ACP7: variants seen among roughly 807,000 people sequenced by gnomAD.
ACP7 encodes acid phosphatase 7, tartrate resistant (putative), also known as acid phosphatase type 7.
ACP7 carries 58 observed loss-of-function variants against 60.6 expected under a neutral mutation model. The ratio of observed to expected loss-of-function variants is 0.96; its 90% CI spans 0.77 to 1.19. The LOEUF is 1.19. Among genes scored for constraint, ACP7 ranks in the 50% most tolerant of loss-of-function variants. ACP7 has a pLI of 0.00. For synonymous variants in ACP7, 237 were observed against 232.6 expected, an observed-to-expected ratio of 1.02 and a Z score of -0.17; for missense variants, 574 against 596.2, an observed-to-expected ratio of 0.96 and a Z score of 0.39.
chr19:39,098,977 G>A lies in ACP7; in HGVS notation c.340G>A (p.Ala114Thr). The A allele has an allele frequency of 1.9e-6, 3 of 1,613,164 alleles. No homozygotes were observed. Among genetic ancestry groups the A allele is most frequent in the East Asian group, 2.2e-5 (1 of 44,834 alleles). ...CCATTCAGTTTATCGCTGTGGCAGT[G>A]CGCAGGGCTGGAGCCGTCGGTTCCG... ...GVQYVYRCGS[A>T]QGWSRRFRFR... The change falls in exon 4 of 13, where the codon GCG (alanine) becomes ACG (threonine). Residue 114 changes from alanine to threonine, a missense_variant. Transcript: ENST00000331256.
In ACP7 at chr19:39,101,226, C is replaced by A; in HGVS notation, c.973+19C>A. The A allele has an allele frequency of 1.9e-6, 3 of 1,614,182 alleles. 1 individual carries two copies. Among genetic ancestry groups the A allele is most frequent in the South Asian group, 2.2e-5 (2 of 91,080 alleles). On this transcript the variant is annotated intron_variant, in intron 9 of 12. Coordinates refer to ENST00000331256, the MANE Select transcript of ACP7 (RefSeq NM_001004318.3). ...AAATATGGTGAGCGACCCTCAGGACCCATGCCCCACACCCCACCTCTCCCC... is the reference window on the plus strand; with the variant it reads ...AAATATGGTGAGCGACCCTCAGGACACATGCCCCACACCCCACCTCTCCCC...
Position 39,101,074 on chromosome 19 carries a change from G to A in ACP7, c.915+18G>A. On this transcript the variant is annotated intron_variant, in intron 8 of 12. Coordinates refer to ENST00000331256, the MANE Select transcript of ACP7 (RefSeq NM_001004318.3). ...AAAGCAAGGTGAGGTCCCTCCCTGG[G>A]AGACAGTGGGGACATGCTGAAAGCC... 1 of 1,613,952 alleles carries A rather than the reference G, an allele frequency of 6.2e-7. No homozygotes were observed.
chr19:39,102,756 T>TTTCTTTCTTTCTTTCTTTCG (rs2073366330), intron 11 of ACP7, among the ~76,000 whole-genome samples: 1 of 83,600 alleles, frequency 1.2e-5, no homozygotes, highest in Non-Finnish European at 2.6e-5. Context: ...TCTTTCTTTC[T>TTTCTTTCTTTCTTTCTTTCG]TTCTTTCTTT....
At chr19:39,095,142 A>G (rs1279954827) in intron 2 of ACP7, among the ~76,000 whole-genome samples, 1 of 152,106 alleles carries the variant, frequency 6.6e-6, no homozygotes, top group Non-Finnish European at 1.5e-5. Context: ...CACATTTCAA[A>G]ACCAATCATG....
rs531755293 is a variant in ACP7, at chr19:39,110,334, C to T, written c.*216C>T. On this transcript the variant is annotated 3_prime_UTR_variant, in exon 13 of 13. Transcript: ENST00000331256. ...TGGCTGTGGAGGGAGGGCAGGTGTG[C>T]GGGCACAGAGTGACACACGGCAGGT... 213 of 576,910 alleles carry T rather than the reference C, an allele frequency of 3.7e-4. 1 individual carries two copies. Among genetic ancestry groups the T allele is most frequent in the African/African-American group, 3.4e-3 (180 of 53,330 alleles). The allele number at this position is 576,910 out of a possible 1,614,324, so 35.7% of individuals were successfully genotyped here.
rs1248758097 is a variant in ACP7 at position 39,098,489 on chromosome 19, C to T, written c.153C>T (p.Thr51=). ...CAGGCTCCATGACTGTAACTTGGAC[C>T]ACATGGGTCCCAACCCGCTCTGAAG... ...GEPGSMTVTW[T]TWVPTRSEVQ... The change falls in exon 3 of 13, where the codon ACC becomes ACT. Residue 51 remains threonine (T), a synonymous_variant. Coordinates refer to ENST00000331256, the MANE Select transcript of ACP7 (RefSeq NM_001004318.3). 1.3e-6 allele frequency: 2 copies of T among 1,592,824 alleles called. No homozygotes were observed. Among genetic ancestry groups the T allele is most frequent in the African/African-American group, 2.7e-5 (2 of 74,348 alleles).
At chr19:39,093,175 C>CTTCCTTCCTTCCTTCCTTCCTTCCTTCCT (rs2073227414) in intron 2 of ACP7, among the ~76,000 whole-genome samples, 1 of 42,260 alleles carries the variant, frequency 2.4e-5, no homozygotes, top group Non-Finnish European at 4.6e-5. Context: ...TCTTTCTCTC[C>CTTCCTTCCTTCCTTCCTTCCTTCCTTCCT]TTCCTTCCTT....
Position 39,107,578 on chromosome 19 carries a change from C to CAA in ACP7, c.1251+515_1251+516dup, listed in dbSNP as rs34130688. On this transcript the variant is annotated intron_variant, in intron 12 of 12. Transcript: ENST00000331256. ...TGGGCGACTGAGCAAGACTCTGTCT[C>CAA]AAAAAAAAAAAAAAAAAAAAAATTA... Among the ~76,000 whole-genome samples the CAA allele has an allele frequency of 6.2e-3, 502 of 81,188 alleles. 4 individuals are homozygous for CAA. Among genetic ancestry groups the CAA allele is most frequent in the African/African-American group, 0.022 (458 of 21,244 alleles). 53.3% of individuals were successfully genotyped at this position (81,188 alleles called of 152,430 possible).
At position 39,109,984 on chromosome 19, in the gene ACP7, C is replaced by A. The variant is rs557279565; in HGVS notation, c.1252-69C>A. The stretch of plus-strand genomic sequence containing the variant: ...TCAGAGGGCAGAGAGGGGACTGGAA[C>A]CCAGGCCATGTGGCCCCAGAGTTCA... On this transcript the variant is annotated intron_variant, in intron 12 of 12. Coordinates refer to ENST00000331256, the MANE Select transcript of ACP7 (RefSeq NM_001004318.3). The A allele has an allele frequency of 4.7e-6, 7 of 1,501,574 alleles. No homozygotes were observed. The East Asian group carries it at 1.6e-4, about 34-fold the overall frequency. The allele number at this position is 1,501,574 out of a possible 1,614,324, so 93.0% of individuals were successfully genotyped here.
intron 2 of ACP7, among the ~76,000 whole-genome samples, chr19:39,091,686 G>C (rs2073206190): frequency 6.6e-6 from 1 of 152,040 alleles, no homozygotes; most frequent in African/African-American, 2.4e-5. Flanking sequence ...GAGGTGGGTG[G>C]ATCACTTGAG....
chr19:39,094,855 G>A (rs114377753), intron 2 of ACP7, among the ~76,000 whole-genome samples: 1 of 152,118 alleles, frequency 6.6e-6, no homozygotes, highest in East Asian at 1.9e-4. Flanking sequence ...GGCTGGGGAG[G>A]CCTGAGAATC....
intron 11 of ACP7, among the ~76,000 whole-genome samples, chr19:39,102,200 T>TC (rs2073355367): frequency 1.3e-5 from 2 of 150,946 alleles, no homozygotes; most frequent in African/African-American, 4.9e-5. Context: ...ATTCCTGTAA[T>TC]CCCAGTACTT....
intron 11 of ACP7, among the ~76,000 whole-genome samples, chr19:39,102,096 G>T (rs1302714137): frequency 6.8e-6 from 1 of 146,712 alleles, no homozygotes; most frequent in African/African-American, 2.6e-5. Context: ...CTCCAGCCTG[G>T]GCAACAAAAT....
chr19:39,102,118 TCTCACACACACA>T (rs898065934), intron 11 of ACP7, among the ~76,000 whole-genome samples: 17 of 133,006 alleles, frequency 1.3e-4, no homozygotes, highest in East Asian at 2.2e-4. Context: ...AGACCCTTTC[TCTCACACACACA>T]CACACACACA....
chr19:39,108,531 A>G (rs988651439), intron 12 of ACP7, among the ~76,000 whole-genome samples: 3 of 152,058 alleles, frequency 2.0e-5, no homozygotes, highest in African/African-American at 7.2e-5. Flanking sequence ...GGGTTGAAGG[A>G]CTTATTATAT....
intron 2 of ACP7, among the ~76,000 whole-genome samples, chr19:39,097,164 C>T (rs1305207764): frequency 1.3e-5 from 2 of 152,046 alleles, no homozygotes; most frequent in African/African-American, 4.8e-5. Flanking sequence ...AGTGGAAACC[C>T]CTGATAAACT....
At chr19:39,109,562 A>G (rs2145049502) in intron 12 of ACP7, among the ~76,000 whole-genome samples, 1 of 151,780 alleles carries the variant, frequency 6.6e-6, no homozygotes, top group East Asian at 1.9e-4. Context: ...AAAATTAGCC[A>G]GGCATGGTGG....
chr19:39,105,305 G>A lies in ACP7; in HGVS notation c.1114-1642G>A, dbSNP rs532565970. ...GCTAGGATTACAGCCATGAGCCACTGTGCCCGGCGTCTCTTTCATTCCTTT... is the reference window on the plus strand; with the variant it reads ...GCTAGGATTACAGCCATGAGCCACTATGCCCGGCGTCTCTTTCATTCCTTT... On this transcript the variant is annotated intron_variant, in intron 11 of 12. Coordinates refer to ENST00000331256, the MANE Select transcript of ACP7 (RefSeq NM_001004318.3). Among the ~76,000 whole-genome samples, 30 of 152,076 alleles carry A rather than the reference G, an allele frequency of 2.0e-4. No individual in the cohort carries two copies. The South Asian group carries it at 6.2e-3, about 32-fold the overall frequency.
chr19:39,088,692 C>CA (rs1489508524), intron 2 of ACP7, among the ~76,000 whole-genome samples: 1 of 152,052 alleles, frequency 6.6e-6, no homozygotes, highest in African/African-American at 2.4e-5. Flanking sequence ...ATCTGAATGC[C>CA]GGCAGGCTAG....
Sources: allele counts gnomAD v4.1 joint callset (sites outside exome capture counted in the v4.1 genomes callset), GRCh38; gene constraint gnomAD v4.1.1; transcripts MANE v1.5; gene names NCBI Gene and HGNC (gene_info 2026-07-23, HGNC 2026-07-21).